The following RPA3 variants were observed in gnomAD, a reference collection of about 807,000 sequenced individuals.
RPA3 encodes replication protein A3, also known as replication protein A 14 kDa subunit.
A neutral mutation model predicts 13.7 loss-of-function variants in RPA3; 24 were observed. The ratio of observed to expected loss-of-function variants is 1.75; its 90% CI spans 1.27 to 2.46. The LOEUF (loss-of-function observed/expected upper bound fraction) is 2.46. Among genes scored for constraint, RPA3 ranks in the 30% most tolerant of loss-of-function variants. RPA3 has a pLI of 0.00. For missense variants in RPA3, 183 were observed against 151.0 expected, an observed-to-expected ratio of 1.21 and a Z score of -1.11; for synonymous variants, 59 against 51.2, an observed-to-expected ratio of 1.15 and a Z score of -0.65.
intron 4 of RPA3, among the ~76,000 whole-genome samples, chr7:7,682,824 C>G (rs947370852): frequency 6.6e-6 from 1 of 152,178 alleles, no homozygotes; most frequent in Non-Finnish European, 1.5e-5. Flanking sequence ...AATTGCAAAG[C>G]AAGTATGCCA....
Position 7,640,679 on chromosome 7 carries a change from G to C in RPA3, c.-261C>G. ...GGAAGTTGACAGATACAGGGCGAGA[G>C]GCAGTGGAGGCGGGACTTGGATAGG... On this transcript the variant is annotated 5_prime_UTR_variant, in exon 5 of 8. Coordinates refer to ENST00000223129, the MANE Select transcript of RPA3 (RefSeq NM_002947.5). 2.1e-6 allele frequency: 1 copy of C among 472,650 alleles called. No individual in the cohort carries two copies. Among genetic ancestry groups the C allele is most frequent in the South Asian group, 2.6e-5 (1 of 38,516 alleles). The allele number at this position is 472,650 out of a possible 1,614,324, so 29.3% of individuals were successfully genotyped here.
At chr7:7,646,846 G>A (rs1252768866) in intron 4 of RPA3, among the ~76,000 whole-genome samples, 1 of 152,034 alleles carries the variant, frequency 6.6e-6, no homozygotes, top group Admixed American at 6.5e-5. Context: ...TCTGCTCATG[G>A]AGCCTGGGGT....
chr7:7,669,749 A>G (rs1200823122), intron 4 of RPA3, among the ~76,000 whole-genome samples: 2 of 152,186 alleles, frequency 1.3e-5, no homozygotes, highest in Non-Finnish European at 2.9e-5. Flanking sequence ...GGAGTGATAG[A>G]CACGAGGGTG....
At chr7:7,643,486 G>A (rs570481861) in intron 4 of RPA3, among the ~76,000 whole-genome samples, 1 of 152,304 alleles carries the variant, frequency 6.6e-6, no homozygotes, top group South Asian at 2.1e-4. Flanking sequence ...TGAAGCGGGT[G>A]GATCACCTCA....
chr7:7,715,285 A>G (rs1269214943), intron 1 of RPA3, 59 bp from the exon 2 acceptor site: 2 of 152,184 alleles, frequency 1.3e-5, no homozygotes, highest in East Asian at 3.8e-4. Flanking sequence ...CAGATTTATG[A>G]ATACAGTTTC....
At chr7:7,697,580 A>G (rs1309331556) in intron 2 of RPA3, among the ~76,000 whole-genome samples, 3 of 152,104 alleles carry the variant, frequency 2.0e-5, no homozygotes, top group Admixed American at 2.0e-4. Context: ...ACGAATATGT[A>G]CCTGCTAAAG....
chr7:7,654,974 C>T (rs1374640062), intron 4 of RPA3, among the ~76,000 whole-genome samples: 1 of 151,044 alleles, frequency 6.6e-6, no homozygotes, highest in East Asian at 1.9e-4. Flanking sequence ...ATTTTTGCTT[C>T]ATAGTAGGAT....
intron 4 of RPA3, among the ~76,000 whole-genome samples, chr7:7,668,484 A>T (rs1005747762): frequency 5.3e-5 from 8 of 152,172 alleles, no homozygotes; most frequent in Non-Finnish European, 1.2e-4. Flanking sequence ...AGTTATTGCT[A>T]ATCTCTTAGT....
chr7:7,655,725 T>G (rs1785324714), intron 4 of RPA3, among the ~76,000 whole-genome samples: 1 of 152,204 alleles, frequency 6.6e-6, no homozygotes, highest in African/African-American at 2.4e-5. Flanking sequence ...ATGAAAAGAT[T>G]AGGAGTGTTA....
At chr7:7,647,743 C>G (rs1052584265) in intron 4 of RPA3, among the ~76,000 whole-genome samples, 2 of 152,122 alleles carry the variant, frequency 1.3e-5, no homozygotes, top group Non-Finnish European at 2.9e-5. Flanking sequence ...ACTGCAGGCA[C>G]GTGCCATCAC....
chr7:7,681,545 C>T (rs1779912700), intron 4 of RPA3, among the ~76,000 whole-genome samples: 1 of 152,170 alleles, frequency 6.6e-6, no homozygotes, highest in Admixed American at 6.5e-5. Context: ...GAAAAACATC[C>T]TTTCCCTTGT....
intron 5 of RPA3, among the ~76,000 whole-genome samples, chr7:7,639,516 T>C (rs750380202): frequency 3.0e-4 from 46 of 152,278 alleles, no homozygotes; most frequent in Middle Eastern, 3.4e-3. Flanking sequence ...AAAACAGGCA[T>C]GATGAAGTAA....
chr7:7,696,824 C>G (rs1430722416), intron 2 of RPA3, among the ~76,000 whole-genome samples: 1 of 151,948 alleles, frequency 6.6e-6, no homozygotes. Flanking sequence ...GATGTTCTCT[C>G]TTTTTCTTTC....
chr7:7,712,150 C>T (rs1490387622), intron 2 of RPA3, among the ~76,000 whole-genome samples: 1 of 152,092 alleles, frequency 6.6e-6, no homozygotes, highest in Non-Finnish European at 1.5e-5. Context: ...CCATCTCAAC[C>T]TTCCTTTGTT....
chr7:7,690,876 A>G (rs1326707847), intron 2 of RPA3, among the ~76,000 whole-genome samples: 2 of 152,214 alleles, frequency 1.3e-5, no homozygotes, highest in East Asian at 3.8e-4. Context: ...ATTATGACTT[A>G]TACCTGTTAT....
chr7:7,715,837 A>G (rs1397950591), intron 1 of RPA3, among the ~76,000 whole-genome samples: 1 of 152,230 alleles, frequency 6.6e-6, no homozygotes, highest in Non-Finnish European at 1.5e-5. Context: ...ATAGAATAGC[A>G]TCAAACATTT....
chr7:7,707,042 A>G (rs904235399), intron 2 of RPA3, among the ~76,000 whole-genome samples: 10 of 152,216 alleles, frequency 6.6e-5, no homozygotes, highest in African/African-American at 2.2e-4. Flanking sequence ...TGACTGTGTC[A>G]GGACACTAAT....
rs534545839 is a variant in RPA3 at position 7,691,860 on chromosome 7, T to A, written c.-1027-4532A>T. On this transcript the variant is annotated intron_variant, in intron 2 of 7. Coordinates refer to ENST00000223129, the MANE Select transcript of RPA3 (RefSeq NM_002947.5). ...CTGCCAAACAAAAGTCATGAAGATT[T>A]TTTAGTTAAAATTTTATCTGGCTAG... 7.0e-4 allele frequency among the ~76,000 whole-genome samples: 107 copies of A among 152,326 alleles called. 1 individual carries two copies. Among genetic ancestry groups the A allele is most frequent in the Non-Finnish European group, 8.8e-5 (6 of 68,028 alleles).
intron 2 of RPA3, among the ~76,000 whole-genome samples, chr7:7,691,552 G>A (rs1000210099): frequency 2.6e-5 from 4 of 152,138 alleles, no homozygotes; most frequent in African/African-American, 9.7e-5. Context: ...GGAGAAGATG[G>A]GAACTCTGCT....
Sources: allele counts gnomAD v4.1 joint callset (sites outside exome capture counted in the v4.1 genomes callset), GRCh38; gene constraint gnomAD v4.1.1; transcripts MANE v1.5; gene names NCBI Gene and HGNC (gene_info 2026-07-23, HGNC 2026-07-21).